PSMA1: variants seen among roughly 807,000 people sequenced by gnomAD.
PSMA1 encodes proteasome 20S subunit alpha 1, also known as proteasome subunit alpha type-1.
PSMA1 carries 3 observed loss-of-function variants against 38.4 expected under a neutral mutation model. The ratio of observed to expected loss-of-function variants is 0.08; its 90% CI spans 0.04 to 0.20. The LOEUF (loss-of-function observed/expected upper bound fraction) is 0.20, where lower values mean the gene tolerates loss of function less well. Ranked by LOEUF, PSMA1 falls within the 10% of genes least tolerant of loss-of-function variation. The pLI, the probability that PSMA1 is intolerant of heterozygous loss-of-function variation, is 1.00. For missense variants in PSMA1, 227 were observed against 325.3 expected (o/e 0.70, Z 2.32); for synonymous variants, 101 against 107.1 (o/e 0.94, Z 0.35).
chr11:14,521,212 C>T (rs1004337178), upstream of PSMA1, among the ~76,000 whole-genome samples: 1 of 148,520 alleles, frequency 6.7e-6, no homozygotes, highest in Non-Finnish European at 1.5e-5. Context: ...AATCCCAGCG[C>T]TATTGGAGGC....
intron 1 of PSMA1, among the ~76,000 whole-genome samples, chr11:14,641,529 T>C (rs1044842697): frequency 6.6e-6 from 1 of 152,202 alleles, no homozygotes; most frequent in Non-Finnish European, 1.5e-5. Flanking sequence ...CACTTTATTT[T>C]AGAATTCTCT....
intron 2 of PSMA1, among the ~76,000 whole-genome samples, chr11:14,578,337 A>C (rs1354263079): frequency 6.6e-6 from 1 of 152,184 alleles, no homozygotes; most frequent in East Asian, 1.9e-4. Flanking sequence ...GCTGGGCTTG[A>C]GAGTGTCAGC....
chr11:14,557,443 C>T (rs1851953148), intron 2 of PSMA1, among the ~76,000 whole-genome samples: 1 of 152,080 alleles, frequency 6.6e-6, no homozygotes, highest in Admixed American at 6.5e-5. Flanking sequence ...GGGGTTTCAC[C>T]ATGTTGGCCA....
upstream of PSMA1, chr11:14,520,499 G>A (rs1851511463): frequency 6.9e-7 from 1 of 1,441,288 alleles, no homozygotes; most frequent in Non-Finnish European, 9.1e-7. Flanking sequence ...CTCGGCGGCG[G>A]GCGGAGCCTC....
chr11:14,509,929 T>G (rs1851316605), intron 8 of PSMA1, among the ~76,000 whole-genome samples: 1 of 151,078 alleles, frequency 6.6e-6, no homozygotes. Context: ...TTCACCGTGT[T>G]AGCCAGGATA....
chr11:14,545,176 A>G (rs1851812810), intron 2 of PSMA1, among the ~76,000 whole-genome samples: 1 of 152,382 alleles, frequency 6.6e-6, no homozygotes, highest in East Asian at 1.9e-4. Context: ...TTGTATCTCA[A>G]TAAAGATGTT....
intron 4 of PSMA1, 120 bp from the exon 5 acceptor site, chr11:14,514,611 A>G: frequency 1.3e-6 from 1 of 761,576 alleles, no homozygotes; most frequent in South Asian, 2.8e-5. Flanking sequence ...CCATATAAGA[A>G]AAACAGAAGG....
chr11:14,558,361 A>G (rs1851966847), intron 2 of PSMA1, among the ~76,000 whole-genome samples: 1 of 152,046 alleles, frequency 6.6e-6, no homozygotes, highest in Admixed American at 6.6e-5. Context: ...GGCTGCAGTG[A>G]GCTATGATTG....
chr11:14,620,092 G>A (rs543416406), intron 1 of PSMA1, among the ~76,000 whole-genome samples: 8 of 152,088 alleles, frequency 5.3e-5, no homozygotes, highest in South Asian at 2.1e-4. Context: ...GTATGTGTAT[G>A]TGTATGTTTA....
chr11:14,523,278 C>CT (rs34617707), upstream of PSMA1, among the ~76,000 whole-genome samples: 10 of 151,220 alleles, frequency 6.6e-5, no homozygotes, highest in African/African-American at 1.7e-4. Context: ...ACAACAACAA[C>CT]TTTTTTTTTA....
chr11:14,578,921 T>C (rs1253031060), intron 2 of PSMA1, among the ~76,000 whole-genome samples: 1 of 152,256 alleles, frequency 6.6e-6, no homozygotes. Flanking sequence ...GCCTGGTTTT[T>C]GCCAGTTGTC....
chr11:14,611,023 T>C lies in PSMA1; in HGVS notation c.-37A>G, dbSNP rs561619885. The C allele has an allele frequency of 9.4e-6, 15 of 1,603,590 alleles. No homozygotes were observed. In the South Asian group the frequency reaches 1.4e-4, roughly 15 times the overall value. On this transcript the variant is annotated 5_prime_UTR_variant, in exon 2 of 11. Coordinates refer to the PSMA1 transcript ENST00000418988. ...GAGACAGTCACCTAGTAGACCAACA[T>C]ACAACATAGGTCTGGATTTGACTTG...
At chr11:14,511,029 T>A in intron 7 of PSMA1, 78 bp from the exon 8 acceptor site, 1 of 1,033,064 alleles carries the variant, frequency 9.7e-7, no homozygotes, top group Non-Finnish European at 1.4e-6. Flanking sequence ...ATCTACAGTC[T>A]CAAATTGTGG....
intron 2 of PSMA1, among the ~76,000 whole-genome samples, chr11:14,590,230 T>C (rs1220538389): frequency 6.6e-6 from 1 of 152,192 alleles, no homozygotes; most frequent in Non-Finnish European, 1.5e-5. Context: ...GAGTTTCAGA[T>C]CTGCAAGATG....
At chr11:14,553,328 C>T (rs1170719284) in intron 2 of PSMA1, among the ~76,000 whole-genome samples, 1 of 152,044 alleles carries the variant, frequency 6.6e-6, no homozygotes, top group Non-Finnish European at 1.5e-5. Context: ...TCAAATTTCA[C>T]CAGTTTTTAC....
At chr11:14,592,148 A>G (rs1565052745) in intron 2 of PSMA1, among the ~76,000 whole-genome samples, 1 of 152,056 alleles carries the variant, frequency 6.6e-6, no homozygotes, top group Admixed American at 6.5e-5. Flanking sequence ...TGAACACATC[A>G]TCTGAACATC....
intron 2 of PSMA1, among the ~76,000 whole-genome samples, chr11:14,530,199 C>T (rs1371568857): frequency 2.6e-5 from 4 of 152,092 alleles, no homozygotes; most frequent in Admixed American, 2.0e-4. Flanking sequence ...AAGCCTCTTT[C>T]CCTAGGTGTG....
intron 2 of PSMA1, among the ~76,000 whole-genome samples, chr11:14,555,936 A>T (rs746783146): frequency 6.6e-5 from 10 of 152,240 alleles, no homozygotes; most frequent in Non-Finnish European, 1.5e-4. Context: ...TAACAGAATT[A>T]TAAATCTCTC....
At chr11:14,597,108 G>T (rs1037737648) in intron 2 of PSMA1, among the ~76,000 whole-genome samples, 1 of 152,292 alleles carries the variant, frequency 6.6e-6, no homozygotes, top group Middle Eastern at 3.4e-3. Flanking sequence ...CTTGATCATG[G>T]TGGATAAGCC....
Sources: gnomAD v4.1 joint callset for allele counts (sites outside exome capture counted in the v4.1 genomes callset) on GRCh38, gnomAD v4.1.1 for gene constraint, MANE v1.5 for transcripts, NCBI Gene and HGNC (gene_info 2026-07-23, HGNC 2026-07-21) for gene names.